The following FAM13A variants were observed in gnomAD, a reference collection of about 807,000 sequenced individuals.
FAM13A encodes protein FAM13A.
FAM13A carries 76 observed loss-of-function variants against 129.6 expected under a neutral mutation model. That is an observed-to-expected ratio of 0.59 (90% CI 0.49 to 0.71). The LOEUF is 0.71. Among genes scored for constraint, FAM13A ranks in the 30% least tolerant of loss-of-function variants. The probability of loss-of-function intolerance (pLI) is 0.00; values close to 1 mark genes in which losing one functional copy is unlikely to be tolerated. For synonymous variants in FAM13A, 443 were observed against 449.9 expected (o/e 0.98, Z 0.20); for missense variants, 1,108 against 1,249.3 (o/e 0.89, Z 1.70).
intron 6 of FAM13A, among the ~76,000 whole-genome samples, chr4:88,885,247 C>T (rs1420185365): frequency 6.6e-6 from 1 of 152,104 alleles, no homozygotes; most frequent in African/African-American, 2.4e-5. Context: ...CATCACATTA[C>T]CCAACCTCAA....
intron 4 of FAM13A, chr4:88,989,718 T>C (rs1471026198): frequency 3.3e-5 from 5 of 152,226 alleles, no homozygotes; most frequent in African/African-American, 9.6e-5. Flanking sequence ...CTTACTGATA[T>C]TCTGACTGAC....
intron 2 of FAM13A, among the ~76,000 whole-genome samples, chr4:89,026,468 T>C (rs1000176771): frequency 4.6e-5 from 7 of 152,198 alleles, no homozygotes; most frequent in Non-Finnish European, 7.3e-5. Context: ...TATAATTTTG[T>C]CATAAAGAAC....
intron 6 of FAM13A, among the ~76,000 whole-genome samples, chr4:88,852,422 A>T (rs1737736067): frequency 6.6e-6 from 1 of 152,164 alleles, no homozygotes. Context: ...TCGGCCTCCC[A>T]AAGTGCTGGG....
chr4:88,834,055 A>AT (rs922832858), intron 7 of FAM13A, among the ~76,000 whole-genome samples: 8,040 of 83,908 alleles, frequency 0.096, 549 homozygotes, highest in Non-Finnish European at 0.13. Flanking sequence ...AGGCCTGGCT[A>AT]TTTTTTTTTT....
chr4:88,894,331 C>T lies in FAM13A; in HGVS notation c.843+12048G>A, dbSNP rs186183122. Among the ~76,000 whole-genome samples, 36 of 152,000 alleles carry T rather than the reference C, an allele frequency of 2.4e-4. No individual in the cohort carries two copies. In the East Asian group the frequency reaches 6.8e-3, roughly 29 times the overall value. On this transcript the variant is annotated intron_variant, in intron 6 of 23. Coordinates refer to ENST00000264344, the MANE Select transcript of FAM13A (RefSeq NM_014883.4). ...ATTGGGGAAAAATTAGAATAACAAC[C>T]ATATTCTTACTGAAAGTTAATATTG...
rs113280338 is a variant in FAM13A at position 88,946,391 on chromosome 4, C to T, written c.606-8150G>A. ...GCTGGCCTTGCTGAGAGATCATTTG[C>T]TCCCGCGTTCTTTTTTTTTTTTTTT... On this transcript the variant is annotated intron_variant, in intron 4 of 23. Coordinates refer to ENST00000264344, the MANE Select transcript of FAM13A (RefSeq NM_014883.4). Among the ~76,000 whole-genome samples, 419 of 142,228 alleles carry T rather than the reference C, an allele frequency of 2.9e-3. 2 individuals are homozygous for T. The highest frequency in any genetic ancestry group is 0.01 in the African/African-American group (402 of 38,300). 93.3% of individuals were successfully genotyped at this position (142,228 alleles called of 152,430 possible). A position where few individuals can be genotyped will look rare whatever the true frequency, so the allele number is the denominator to read the frequency against.
intron 9 of FAM13A, among the ~76,000 whole-genome samples, chr4:88,788,934 TGAG>T (rs1724550697): frequency 6.6e-6 from 1 of 152,160 alleles, no homozygotes; most frequent in Non-Finnish European, 1.5e-5. Context: ...TTTAAGATAA[TGAG>T]GAAGTATAGT....
Position 88,797,449 on chromosome 4 carries a change from G to C in FAM13A, c.1050-6822C>G, listed in dbSNP as rs577033510. Among the ~76,000 whole-genome samples the C allele has an allele frequency of 3.9e-5, 6 of 152,080 alleles. No individual in the cohort carries two copies. The East Asian group carries it at 5.8e-4, about 15-fold the overall frequency. ...TGGGCAATTTATTTATTTTCTTACA[G>C]AGACAGAGTCTTGCTATGTTGCCCA... On this transcript the variant is annotated intron_variant, in intron 8 of 23. Transcript: ENST00000264344.
intron 5 of FAM13A, among the ~76,000 whole-genome samples, chr4:88,919,396 A>C (rs374148458): frequency 8.5e-5 from 13 of 152,266 alleles, no homozygotes; most frequent in African/African-American, 3.1e-4. Flanking sequence ...ATTAATGCTC[A>C]GAATAGTTAC....
At chr4:88,938,275 T>C (rs1196633059) in intron 4 of FAM13A, 34 bp from the exon 5 acceptor site, 3 of 1,562,492 alleles carry the variant, frequency 1.9e-6, no homozygotes, top group Non-Finnish European at 2.6e-6. Context: ...AGGAATTACT[T>C]AGTAAACACA....
intron 4 of FAM13A, among the ~76,000 whole-genome samples, chr4:88,958,601 G>A (rs1758133117): frequency 6.6e-6 from 1 of 152,244 alleles, no homozygotes; most frequent in South Asian, 2.1e-4. Flanking sequence ...AGATGTCAGA[G>A]GATGCATGAG....
At chr4:88,804,514 A>G (rs1015039176) in intron 8 of FAM13A, among the ~76,000 whole-genome samples, 16 of 152,116 alleles carry the variant, frequency 1.1e-4, no homozygotes, top group African/African-American at 3.9e-4. Flanking sequence ...CTGTTAATTT[A>G]CCTGCTTTAA....
intron 4 of FAM13A, among the ~76,000 whole-genome samples, chr4:88,966,770 A>C (rs1189558352): frequency 6.6e-6 from 1 of 152,162 alleles, no homozygotes; most frequent in Non-Finnish European, 1.5e-5. Context: ...ATTAAATCAG[A>C]AATGTTATAT....
At chr4:88,922,464 C>A (rs535543060) in intron 5 of FAM13A, among the ~76,000 whole-genome samples, 1 of 151,912 alleles carries the variant, frequency 6.6e-6, no homozygotes, top group Non-Finnish European at 1.5e-5. Context: ...GGGTACATAA[C>A]GAAATGAAGG....
chr4:89,000,890 A>T (rs1459102059), intron 3 of FAM13A, among the ~76,000 whole-genome samples: 17 of 152,260 alleles, frequency 1.1e-4, no homozygotes, highest in Non-Finnish European at 8.8e-5. Context: ...TCAAGGATAA[A>T]GAGAATAGCC....
chr4:88,750,291 T>G, intron 15 of FAM13A, 133 bp downstream of exon 15: 1 of 725,648 alleles, frequency 1.4e-6, no homozygotes, highest in South Asian at 1.8e-5. Context: ...TGTCCTAGGA[T>G]GGAGAATTTC....
At chr4:88,791,531 G>A (rs1725149993) in intron 8 of FAM13A, among the ~76,000 whole-genome samples, 1 of 152,026 alleles carries the variant, frequency 6.6e-6, no homozygotes, top group Non-Finnish European at 1.5e-5. Context: ...AGATTTAAAA[G>A]TGCCTATCCT....
rs555849100 is a variant in FAM13A at position 88,952,778 on chromosome 4, T to C, written c.606-14537A>G. Among the ~76,000 whole-genome samples the C allele has an allele frequency of 7.2e-5, 11 of 151,958 alleles. No individual in the cohort carries two copies. The South Asian group carries it at 2.1e-3, about 29-fold the overall frequency. ...GCCTGGCCAACGTGGTGAAACCCCG[T>C]CTCTACTAAAAACACAAAAATTAGC... On this transcript the variant is annotated intron_variant, in intron 4 of 23. Coordinates refer to ENST00000264344, the MANE Select transcript of FAM13A (RefSeq NM_014883.4).
chr4:88,749,008 T>C lies in FAM13A; in HGVS notation c.2105A>G (p.Asn702Ser), dbSNP rs146430313. 10 of 1,613,716 alleles carry C rather than the reference T, an allele frequency of 6.2e-6. No homozygotes were observed. The highest frequency in any genetic ancestry group is 1.7e-5 in the Admixed American group (1 of 60,010). Residue 702 changes from asparagine (N) to serine (S), a missense_variant, in exon 17 of 24, where the codon AAT (asparagine) becomes AGT (serine). Coordinates refer to ENST00000264344, the MANE Select transcript of FAM13A (RefSeq NM_014883.4). ...ATTTGTCCATTTCAGAACCTCCGGA[T>C]TGGCTGCTTTGTCACTGTGGGAAGG... ...YRPSHSDKAA[N>S]PEVLKWTNDL...
Sources: allele counts gnomAD v4.1 joint callset (sites outside exome capture counted in the v4.1 genomes callset), GRCh38; gene constraint gnomAD v4.1.1; transcripts MANE v1.5; gene names NCBI Gene and HGNC (gene_info 2026-07-23, HGNC 2026-07-21).